COPS5: variants seen among roughly 807,000 people sequenced by gnomAD.
COPS5 encodes COP9 signalosome subunit 5, also known as COP9 signalosome complex subunit 5.
COPS5 carries 8 observed loss-of-function variants against 44.4 expected under a neutral mutation model. The observed-to-expected ratio is 0.18, with a 90% confidence interval of 0.11 to 0.32. The LOEUF (loss-of-function observed/expected upper bound fraction) is 0.32. COPS5 is among the 10% of genes least tolerant of loss of function. The probability of loss-of-function intolerance (pLI) is 1.00; values close to 1 mark genes in which losing one functional copy is unlikely to be tolerated. For synonymous variants in COPS5, 122 were observed against 142.8 expected, an observed-to-expected ratio of 0.85 and a Z score of 1.04; for missense variants, 159 against 406.4, an observed-to-expected ratio of 0.39 and a Z score of 5.23.
At chr8:67,058,037 C>G (rs777135178) in intron 3 of COPS5, 46 bp downstream of exon 3, 2 of 1,600,068 alleles carry the variant, frequency 1.2e-6, no homozygotes, top group East Asian at 4.5e-5. Flanking sequence ...CTTGCTTCAG[C>G]AAATCTTCAT....
chr8:67,056,645 AAAAAAAAATATATATATAT>A (rs1804506690), intron 4 of COPS5, 41 bp from the exon 5 acceptor site: 1 of 93,520 alleles, frequency 1.1e-5, no homozygotes, highest in Non-Finnish European at 1.7e-5. Context: ...AGAAAAAAAA[AAAAAAAAATATATATATAT>A]ATATATATAT....
chr8:67,058,489 T>C (rs1368710008), intron 2 of COPS5, among the ~76,000 whole-genome samples: 1 of 152,224 alleles, frequency 6.6e-6, no homozygotes, highest in Non-Finnish European at 1.5e-5. Flanking sequence ...TTTCACTCAA[T>C]AAACTGCTTT....
chr8:67,047,963 C>T, intron 6 of COPS5: 1 of 698,580 alleles, frequency 1.4e-6, no homozygotes, highest in Non-Finnish European at 2.6e-6. Flanking sequence ...TTTGCTACTT[C>T]TGACTACTAA....
chr8:67,059,531 T>C (rs1804556198), intron 1 of COPS5, 86 bp from the exon 2 acceptor site: 2 of 974,344 alleles, frequency 2.1e-6, no homozygotes, highest in Non-Finnish European at 3.2e-6. Context: ...GAGTAAGTAT[T>C]GAAGGAATTT....
intron 3 of COPS5, 138 bp downstream of exon 3, chr8:67,057,945 G>A (rs1585716066): frequency 1.2e-6 from 1 of 859,650 alleles, no homozygotes; most frequent in Non-Finnish European, 1.8e-6. Context: ...CAGCTTCTAA[G>A]AGATGGAATT....
chr8:67,051,852 C>G (rs978978192), intron 5 of COPS5, among the ~76,000 whole-genome samples: 1 of 152,084 alleles, frequency 6.6e-6, no homozygotes, highest in Non-Finnish European at 1.5e-5. Flanking sequence ...TTCAAAGGTG[C>G]CTAATTTATC....
intron 7 of COPS5, 191 bp downstream of exon 7, chr8:67,045,621 T>C: frequency 1.7e-6 from 1 of 595,726 alleles, no homozygotes; most frequent in East Asian, 2.8e-5. Flanking sequence ...TGTTCTTACC[T>C]GAGGTATCCT....
chr8:67,060,804 C>T (rs573648190), intron 1 of COPS5: 30 of 229,488 alleles, frequency 1.3e-4, no homozygotes, highest in South Asian at 1.1e-3. Context: ...AATTACATAA[C>T]GTATTTGCTT....
intron 6 of COPS5, among the ~76,000 whole-genome samples, chr8:67,050,558 AGTGTGTGTGTGTGT>A (rs34629150): frequency 8.5e-5 from 12 of 140,996 alleles, no homozygotes; most frequent in Admixed American, 3.5e-4. Context: ...TGTGAGTGTG[AGTGTGTGTGTGTGT>A]GTGTGTGTGT....
intron 6 of COPS5, among the ~76,000 whole-genome samples, chr8:67,049,554 T>G (rs1350727656): frequency 6.6e-6 from 1 of 152,208 alleles, no homozygotes; most frequent in Non-Finnish European, 1.5e-5. Flanking sequence ...CTTTTGTGCC[T>G]CCATATTCTG....
chr8:67,043,377 A>G (rs1341348477), intron 7 of COPS5, 60 bp from the exon 8 acceptor site: 3 of 1,045,542 alleles, frequency 2.9e-6, no homozygotes, highest in East Asian at 4.8e-5. Context: ...CAAACACACA[A>G]GATCAGCCCC....
chr8:67,048,703 G>A, intron 6 of COPS5, among the ~76,000 whole-genome samples: 1 of 141,104 alleles, frequency 7.1e-6, no homozygotes, highest in Non-Finnish European at 1.5e-5. Flanking sequence ...GTGACAGAGT[G>A]AGACTCCATC....
chr8:67,047,162 A>C (rs1816711769), intron 6 of COPS5, among the ~76,000 whole-genome samples: 1 of 152,218 alleles, frequency 6.6e-6, no homozygotes, highest in East Asian at 1.9e-4. Flanking sequence ...GAAATAAACT[A>C]GTTGGCAAAA....
chr8:67,056,407 C>T, intron 5 of COPS5, 112 bp downstream of exon 5: 2 of 369,340 alleles, frequency 5.4e-6, no homozygotes, highest in Non-Finnish European at 1.0e-5. Context: ...GTTGCCCAGG[C>T]TAGTGTCGAA....
intron 6 of COPS5, among the ~76,000 whole-genome samples, chr8:67,050,549 G>GTGAGTA (rs1232859357): frequency 1.4e-5 from 2 of 141,002 alleles, no homozygotes; most frequent in African/African-American, 5.9e-5. Context: ...CCGGAAATAT[G>GTGAGTA]TGAGTGTGAG....
chr8:67,057,200 G>A (rs533660130), intron 4 of COPS5, among the ~76,000 whole-genome samples, 180 bp downstream of exon 4: 30 of 152,180 alleles, frequency 2.0e-4, no homozygotes, highest in African/African-American at 7.2e-4. Flanking sequence ...AAAAATGTAA[G>A]GACTTATAAT....
Position 67,057,467 on chromosome 8 carries a change from T to C in COPS5, c.508-22A>G, listed in dbSNP as rs755881183. ...CAATCTATAAGAAAGATATATTTAA[T>C]ATCTGCTGATATAAAACTGTATGCC... is the stretch of plus-strand genomic sequence containing the variant. On this transcript the variant is annotated intron_variant, in intron 3 of 7. Transcript: ENST00000357849. 7 of 1,512,596 alleles carry C rather than the reference T, an allele frequency of 4.6e-6. No individual in the cohort carries two copies. The Admixed American group carries it at 7.0e-5, about 15-fold the overall frequency. The allele number at this position is 1,512,596 out of a possible 1,614,324, so 93.7% of individuals were successfully genotyped here.
At chr8:67,059,672 A>G (rs1001516496) in intron 1 of COPS5, 4 of 504,542 alleles carry the variant, frequency 7.9e-6, no homozygotes, top group African/African-American at 5.8e-5. Context: ...AGTCTGAAAT[A>G]CTTTTTTAAT....
At chr8:67,049,379 G>A (rs1046683937) in intron 6 of COPS5, among the ~76,000 whole-genome samples, 1 of 151,934 alleles carries the variant, frequency 6.6e-6, no homozygotes, top group Non-Finnish European at 1.5e-5. Flanking sequence ...CAGAAGGATC[G>A]CTCAAGCCTG....
Sources: gnomAD v4.1 joint callset for allele counts (sites outside exome capture counted in the v4.1 genomes callset) on GRCh38, gnomAD v4.1.1 for gene constraint, MANE v1.5 for transcripts, NCBI Gene and HGNC (gene_info 2026-07-23, HGNC 2026-07-21) for gene names.